Variants in FGF14 observed in about 807,000 individuals in gnomAD.
FGF14 encodes fibroblast growth factor 14.
Under a neutral mutation model 25.5 loss-of-function variants are expected in FGF14, and 5 were observed. That is an observed-to-expected ratio of 0.20 (90% CI 0.10 to 0.41). FGF14 has a LOEUF of 0.41. Among genes scored for constraint, FGF14 ranks in the 10% least tolerant of loss-of-function variants. The probability of loss-of-function intolerance (pLI) is 1.00; values close to 1 mark genes in which losing one functional copy is unlikely to be tolerated. For missense variants in FGF14, 222 were observed against 320.1 expected, an observed-to-expected ratio of 0.69 and a Z score of 2.34; for synonymous variants, 138 against 118.3, an observed-to-expected ratio of 1.17 and a Z score of -1.08.
intron 1 of FGF14, among the ~76,000 whole-genome samples, chr13:101,930,020 G>T (rs989967891): frequency 3.9e-5 from 6 of 152,068 alleles, no homozygotes; most frequent in Admixed American, 6.6e-5. Context: ...CTGATTAGAG[G>T]GCTTTACTTC....
At chr13:102,030,785 C>G (rs1379254784) in intron 1 of FGF14, among the ~76,000 whole-genome samples, 1 of 151,994 alleles carries the variant, frequency 6.6e-6, no homozygotes, top group African/African-American at 2.4e-5. Flanking sequence ...CCAGCTTTCT[C>G]CCTCAGAGTA....
chr13:101,750,524 G>A (rs755486069), intron 3 of FGF14, among the ~76,000 whole-genome samples: 2 of 152,128 alleles, frequency 1.3e-5, no homozygotes, highest in Non-Finnish European at 2.9e-5. Context: ...CTTCTTTTCT[G>A]CTGGAGAAGT....
At chr13:101,793,920 G>A (rs2040377731) in intron 3 of FGF14, among the ~76,000 whole-genome samples, 1 of 152,008 alleles carries the variant, frequency 6.6e-6, no homozygotes, top group Non-Finnish European at 1.5e-5. Flanking sequence ...CTCTGTCATA[G>A]GTGATAAGGC....
At chr13:101,922,513 C>T (rs2034072699) in intron 1 of FGF14, among the ~76,000 whole-genome samples, 1 of 152,140 alleles carries the variant, frequency 6.6e-6, no homozygotes, top group Non-Finnish European at 1.5e-5. Flanking sequence ...ATCTTGCCTC[C>T]TCATTTTCAG....
chr13:102,254,820 A>G lies in FGF14; in HGVS notation c.208+146651T>C, dbSNP rs74640252. 3.8e-3 allele frequency among the ~76,000 whole-genome samples: 584 copies of G among 152,324 alleles called. 3 individuals carry two copies. The highest frequency in any genetic ancestry group is 0.013 in the African/African-American group (558 of 41,582). ...GGAGCAAAATGGCTCCCAGTTGGGA[A>G]CCACTGACATAGCTGAAGTCCTGGA... is the stretch of plus-strand genomic sequence containing the variant. On this transcript the variant is annotated intron_variant, in intron 1 of 4. Transcript: ENST00000376131.
chr13:101,992,092 G>T (rs1473870063), intron 1 of FGF14, among the ~76,000 whole-genome samples: 1 of 152,080 alleles, frequency 6.6e-6, no homozygotes, highest in Non-Finnish European at 1.5e-5. Flanking sequence ...TAAACACTCA[G>T]ACCTAAACAT....
intron 1 of FGF14, among the ~76,000 whole-genome samples, chr13:102,371,907 A>T (rs976857301): frequency 4.6e-5 from 7 of 152,180 alleles, no homozygotes; most frequent in African/African-American, 7.2e-5. Flanking sequence ...GACTTTCTTT[A>T]AAAAGGATAT....
intron 3 of FGF14, among the ~76,000 whole-genome samples, chr13:101,752,303 C>T (rs1275181178): frequency 6.6e-6 from 1 of 152,088 alleles, no homozygotes; most frequent in Non-Finnish European, 1.5e-5. Context: ...TCATCTTTAT[C>T]TTTTCAACAG....
At chr13:101,907,424 A>G (rs1418237110) in intron 1 of FGF14, among the ~76,000 whole-genome samples, 1 of 152,200 alleles carries the variant, frequency 6.6e-6, no homozygotes, top group Non-Finnish European at 1.5e-5. Flanking sequence ...TTTCGATGCT[A>G]ACTTTACCAC....
intron 1 of FGF14, among the ~76,000 whole-genome samples, chr13:102,212,028 C>T (rs9557836): frequency 0.74 from 112,977 of 151,922 alleles, 42,306 homozygotes; most frequent in Middle Eastern, 0.86. Flanking sequence ...CGAAAGAGCA[C>T]TTAGGGCTCC....
At chr13:101,831,497 ACT>A (rs1227618289) in intron 3 of FGF14, among the ~76,000 whole-genome samples, 3 of 152,052 alleles carry the variant, frequency 2.0e-5, no homozygotes, top group African/African-American at 7.2e-5. Flanking sequence ...ACTAGCAGTA[ACT>A]CTGGATTCAA....
At chr13:102,249,712 G>A (rs1420964391) in intron 1 of FGF14, among the ~76,000 whole-genome samples, 5 of 152,200 alleles carry the variant, frequency 3.3e-5, no homozygotes, top group Admixed American at 6.5e-5. Flanking sequence ...GTGGTCCTCA[G>A]ATATCTGAGT....
intron 3 of FGF14, among the ~76,000 whole-genome samples, chr13:101,728,079 AT>A (rs2035561476): frequency 6.6e-6 from 1 of 152,182 alleles, no homozygotes; most frequent in East Asian, 1.9e-4. Flanking sequence ...ATGTGACCTA[AT>A]GTCATGTAGA....
intron 1 of FGF14, among the ~76,000 whole-genome samples, chr13:102,085,393 C>A (rs976924799): frequency 2.0e-5 from 3 of 152,110 alleles, no homozygotes; most frequent in Non-Finnish European, 4.4e-5. Context: ...CTGGTAAATG[C>A]TAGAGAAATA....
intron 3 of FGF14, among the ~76,000 whole-genome samples, chr13:101,823,338 T>C (rs906303499): frequency 1.3e-5 from 2 of 149,990 alleles, no homozygotes; most frequent in African/African-American, 4.9e-5. Flanking sequence ...TGTATATGTA[T>C]ATACATACAA....
upstream of FGF14, among the ~76,000 whole-genome samples, chr13:101,919,183 A>G (rs1390464907): frequency 6.6e-6 from 1 of 152,148 alleles, no homozygotes; most frequent in Non-Finnish European, 1.5e-5. Context: ...AGTCCTACTG[A>G]ACATTAAGAG....
At chr13:102,382,940 T>C (rs1037389583) in intron 1 of FGF14, among the ~76,000 whole-genome samples, 1 of 152,056 alleles carries the variant, frequency 6.6e-6, no homozygotes, top group Non-Finnish European at 1.5e-5. Context: ...TGCCAGGGGA[T>C]AGGGAATGGG....
chr13:101,747,110 C>G (rs777981105), intron 3 of FGF14, among the ~76,000 whole-genome samples: 7 of 151,876 alleles, frequency 4.6e-5, no homozygotes, highest in Admixed American at 6.6e-5. Context: ...AAGCTCTTCT[C>G]CATTAGATAA....
rs114011028 is a variant in FGF14, at chr13:102,151,401, C to G, written c.208+250070G>C. On this transcript the variant is annotated intron_variant, in intron 1 of 4. Transcript: ENST00000376131. ...CTGGTAGGCTTCCATCATCTTCTTACGCCTTATTTTAAAAGCCCCCTACTC... is the reference window on the plus strand; with the variant it reads ...CTGGTAGGCTTCCATCATCTTCTTAGGCCTTATTTTAAAAGCCCCCTACTC... Among the ~76,000 whole-genome samples, 568 of 152,204 alleles carry G rather than the reference C, an allele frequency of 3.7e-3. 6 individuals carry two copies. Among genetic ancestry groups the G allele is most frequent in the African/African-American group, 0.012 (499 of 41,526 alleles).
Sources: allele counts gnomAD v4.1 joint callset (sites outside exome capture counted in the v4.1 genomes callset), GRCh38; gene constraint gnomAD v4.1.1; transcripts MANE v1.5; gene names NCBI Gene and HGNC (gene_info 2026-07-23, HGNC 2026-07-21).